Variants in DPP9 observed in about 807,000 individuals in gnomAD.
The protein encoded by DPP9 is dipeptidyl peptidase 9.
DPP9 carries 50 observed loss-of-function variants against 110.7 expected under a neutral mutation model. The observed-to-expected ratio is 0.45, with a 90% confidence interval of 0.36 to 0.57. The LOEUF (loss-of-function observed/expected upper bound fraction) is 0.57. Among genes scored for constraint, DPP9 ranks in the 20% least tolerant of loss-of-function variants. DPP9 has a pLI of 0.00. For missense variants in DPP9, 1,022 were observed against 1,217.9 expected, an observed-to-expected ratio of 0.84 and a Z score of 2.39; for synonymous variants, 561 against 514.4, an observed-to-expected ratio of 1.09 and a Z score of -1.23.
At chr19:4,722,366 T>C (rs1023589115) in intron 2 of DPP9, 133 bp downstream of exon 2, 3 of 582,136 alleles carry the variant, frequency 5.2e-6, no homozygotes, top group Middle Eastern at 4.5e-4. Context: ...CTGCAGCCAC[T>C]GCCCTGCGGA....
rs531905108 is a variant in DPP9 at position 4,689,143 on chromosome 19, C to T, written c.1750-251G>A. Among the ~76,000 whole-genome samples, 75 of 152,310 alleles carry T rather than the reference C, an allele frequency of 4.9e-4. 2 individuals carry two copies. In the South Asian group the frequency reaches 0.011, roughly 22 times the overall value. ...CAGGGGCCTATGGACAGTCACCGAC[C>T]GCTGGATCTGCCGAGGGCTCTGCCA... On this transcript the variant is annotated intron_variant, in intron 15 of 21. Coordinates refer to ENST00000262960, the MANE Select transcript of DPP9 (RefSeq NM_139159.5). The surrounding 1 kb of genome is among the most constrained non-coding windows in gnomAD (Gnocchi z 7.0).
chr19:4,713,819 T>A (rs901953329), intron 4 of DPP9, among the ~76,000 whole-genome samples: 1 of 152,136 alleles, frequency 6.6e-6, no homozygotes, highest in African/African-American at 2.4e-5. Context: ...AGCCACGGCA[T>A]CCTGGCCACA....
Position 4,683,076 on chromosome 19 carries a change from G to C in DPP9, c.2332-238C>G, listed in dbSNP as rs1314957146. On this transcript the variant is annotated intron_variant, in intron 19 of 21. Coordinates refer to ENST00000262960, the MANE Select transcript of DPP9 (RefSeq NM_139159.5). ...TGCGGCCCCTCCCCGCCGCCGCAGA[G>C]GGCCGGGTCCCACTGCCCGTCTGCC... 4 of 1,490,478 alleles carry C rather than the reference G, an allele frequency of 2.7e-6. No individual in the cohort carries two copies. In the East Asian group the frequency reaches 8.0e-5, roughly 30 times the overall value. 92.3% of individuals were successfully genotyped at this position (1,490,478 alleles called of 1,614,324 possible). A position where few individuals can be genotyped will look rare whatever the true frequency, so the allele number is the denominator to read the frequency against.
chr19:4,691,059 C>T (rs2091271285), intron 13 of DPP9, 102 bp from the exon 14 acceptor site: 1 of 839,302 alleles, frequency 1.2e-6, no homozygotes, highest in South Asian at 1.5e-5. Context: ...ACCATGGAGC[C>T]ACTGAAACCC....
intron 3 of DPP9, chr19:4,717,776 C>G (rs1035138925): frequency 6.6e-6 from 1 of 152,236 alleles, no homozygotes; most frequent in South Asian, 2.1e-4. Context: ...CCTGGCCCTC[C>G]GCTGACCTCT....
At chr19:4,712,908 G>A (rs1308108656) in intron 4 of DPP9, among the ~76,000 whole-genome samples, 1 of 152,216 alleles carries the variant, frequency 6.6e-6, no homozygotes, top group African/African-American at 2.4e-5. Context: ...CCGTTCACTG[G>A]TTCCAATGCT....
Position 4,689,840 on chromosome 19 carries a change from C to G in DPP9, c.1597-118G>C, listed in dbSNP as rs1049215326. 15 of 1,150,666 alleles carry G rather than the reference C, an allele frequency of 1.3e-5. No homozygotes were observed. The Admixed American group carries it at 2.4e-4, about 18-fold the overall frequency. 71.3% of individuals were successfully genotyped at this position (1,150,666 alleles called of 1,614,324 possible). A position where few individuals can be genotyped will look rare whatever the true frequency, so the allele number is the denominator to read the frequency against. ...TCGGACTGGGGACGCATGCTGTCCT[C>G]GCCCAAGTCTGGCTTTAGGGCTGGA... On this transcript the variant is annotated intron_variant, in intron 14 of 21. Transcript: ENST00000262960. The surrounding 1 kb of genome is among the most constrained non-coding windows in gnomAD (Gnocchi z 7.0).
rs202221985 is a variant in DPP9 at position 4,688,849 on chromosome 19, G to A, written c.1793C>T (p.Pro598Leu). Reference sequence around the variant, plus strand: ...CAGCTTGTAGACGTGCACGCAGGGCGGCGTGCTCACGCTGCTGTAGTGGCT... The same window carrying A: ...CAGCTTGTAGACGTGCACGCAGGGCAGCGTGCTCACGCTGCTGTAGTGGCT... ...FVSHYSSVSTPPCVHVYKLSG... is the reference protein window; with the variant it reads ...FVSHYSSVSTLPCVHVYKLSG... The change falls in exon 16 of 22, where the codon CCG becomes CTG. Residue 598 changes from proline (P) to leucine (L), a missense_variant. Physicochemically the swap from Pro to Leu is moderately conservative, Grantham distance 98 (BLOSUM62 -3). This residue lies in a region of DPP9 where 810 missense variants were observed against 920.6 expected (regional missense o/e 0.88). Coordinates refer to ENST00000262960, the MANE Select transcript of DPP9 (RefSeq NM_139159.5). 51 of 1,516,162 alleles carry A rather than the reference G, an allele frequency of 3.4e-5. No individual in the cohort carries two copies. The highest frequency in any genetic ancestry group is 5.3e-5 in the East Asian group (2 of 37,540). 93.9% of individuals were successfully genotyped at this position (1,516,162 alleles called of 1,614,324 possible).
At position 4,695,314 on chromosome 19, in the gene DPP9, G is replaced by C. The variant is rs45501898; in HGVS notation, c.1353+64C>G. Reference sequence around the variant, plus strand: ...ATTGGCGCTCAGCCTTCTAGGACGTGGGGGTGGGGACAGTGTGACTCCAGG... The same window carrying C: ...ATTGGCGCTCAGCCTTCTAGGACGTCGGGGTGGGGACAGTGTGACTCCAGG... On this transcript the variant is annotated intron_variant, in intron 12 of 21. Transcript: ENST00000262960. This position sits in a 1 kb window ranked among gnomAD's most constrained non-coding sequence, Gnocchi z 4.7. 2 of 1,460,216 alleles carry C rather than the reference G, an allele frequency of 1.4e-6. No homozygotes were observed. Among genetic ancestry groups the C allele is most frequent in the Non-Finnish European group, 1.8e-6 (2 of 1,096,478 alleles). 90.5% of individuals were successfully genotyped at this position (1,460,216 alleles called of 1,614,324 possible). A position where few individuals can be genotyped will look rare whatever the true frequency, so the allele number is the denominator to read the frequency against.
intron 21 of DPP9, chr19:4,679,595 AT>A (rs948009360): frequency 2.2e-5 from 12 of 537,894 alleles, no homozygotes; most frequent in Non-Finnish European, 3.7e-5. Flanking sequence ...GCAGCCCCCG[AT>A]CCCGTGCTTC....
At position 4,682,616 on chromosome 19, in the gene DPP9, G is replaced by C; in HGVS notation, c.2474+80C>G. On this transcript the variant is annotated intron_variant, in intron 20 of 21. Coordinates refer to ENST00000262960, the MANE Select transcript of DPP9 (RefSeq NM_139159.5). This position sits in a 1 kb window ranked among gnomAD's most constrained non-coding sequence, Gnocchi z 7.1. ...CTGGGCAGGGCCAGCTGGGGCAGGA[G>C]GGCACCCTCATAGAGACAGCTGGTG... is the stretch of plus-strand genomic sequence containing the variant. 6.5e-7 allele frequency: 1 copy of C among 1,549,432 alleles called. No homozygotes were observed. Among genetic ancestry groups the C allele is most frequent in the East Asian group, 2.4e-5 (1 of 42,088 alleles).
chr19:4,714,329 A>G lies in DPP9; in HGVS notation c.65T>C (p.Leu22Pro). 2.0e-6 allele frequency: 3 copies of G among 1,500,904 alleles called. No individual in the cohort carries two copies. In the South Asian group the frequency reaches 3.7e-5, roughly 18 times the overall value. 93.0% of individuals were successfully genotyped at this position (1,500,904 alleles called of 1,614,324 possible). A position where few individuals can be genotyped will look rare whatever the true frequency, so the allele number is the denominator to read the frequency against. The stretch of plus-strand genomic sequence containing the variant: ...CATCCTCTCAGCCCCCTCGGAATTC[A>G]GCGAGAAGCTGCGGGGAGGAAGCAA... ...ENTGSWRSFS[L>P]NSEGAERMAT... The change falls in exon 4 of 22, where the codon CTG (leucine) becomes CCG (proline). Residue 22 changes from leucine (L) to proline (P), a missense_variant. Leu to Pro is a moderately conservative substitution (Grantham distance 98, BLOSUM62 -3). Transcript: ENST00000262960.
At chr19:4,720,425 T>G (rs1424281489) in intron 2 of DPP9, among the ~76,000 whole-genome samples, 1 of 152,222 alleles carries the variant, frequency 6.6e-6, no homozygotes, top group Admixed American at 6.5e-5. Context: ...TGCCAGTTCC[T>G]GCTTTTGATA....
chr19:4,683,791 T>G, intron 18 of DPP9, 162 bp from the exon 19 acceptor site: 4 of 1,545,184 alleles, frequency 2.6e-6, no homozygotes, highest in Non-Finnish European at 3.5e-6. Flanking sequence ...GCCTGCTATC[T>G]GGGGATGGCT....
In DPP9 at chr19:4,702,731, G is replaced by A. The variant is rs753681878; in HGVS notation, c.770-15C>T. 57 of 1,537,654 alleles carry A rather than the reference G, an allele frequency of 3.7e-5. No individual in the cohort carries two copies. The highest frequency in any genetic ancestry group is 1.7e-4 in the South Asian group (14 of 84,832). ...ATTGGATAAACCTAGGGGGAGGGAC[G>A]GAGAGCATCAACAAGGGGTGAGCAG... On this transcript the variant is annotated splice_polypyrimidine_tract_variant and intron_variant, in intron 7 of 21. Coordinates refer to ENST00000262960, the MANE Select transcript of DPP9 (RefSeq NM_139159.5).
intron 2 of DPP9, among the ~76,000 whole-genome samples, chr19:4,721,947 T>C (rs1471411510): frequency 3.9e-5 from 6 of 152,198 alleles, no homozygotes; most frequent in Non-Finnish European, 8.8e-5. Flanking sequence ...CTGCCACTTC[T>C]GGGGAAGTCG....
At chr19:4,699,032 G>A (rs1041386969) in intron 10 of DPP9, among the ~76,000 whole-genome samples, 3 of 151,926 alleles carry the variant, frequency 2.0e-5, no homozygotes, top group African/African-American at 7.2e-5. Flanking sequence ...GGTGGTGGGT[G>A]CCTGTAGTCC....
Position 4,679,889 on chromosome 19 carries a change from G to A in DPP9, c.2532C>T (p.His844=), listed in dbSNP as rs761350733. The A allele has an allele frequency of 3.7e-6, 6 of 1,613,594 alleles. No homozygotes were observed. Among genetic ancestry groups the A allele is most frequent in the East Asian group, 2.2e-5 (1 of 44,870 alleles). ...GFLDENVHFF[H]TNFLVSQLIR... is the part of the protein sequence containing the mutation. ...TCAGTTGGGAGACGAGGAAGTTTGT[G>A]TGGAAAAAGTGCACGTTTTCGTCCA... The change falls in exon 21 of 22, where the codon CAC becomes CAT. Residue 844 remains histidine, a synonymous_variant. Coordinates refer to ENST00000262960, the MANE Select transcript of DPP9 (RefSeq NM_139159.5).
chr19:4,682,773 G>T lies in DPP9; in HGVS notation c.2397C>A (p.Tyr799Ter). 6.2e-7 allele frequency: 1 copy of T among 1,604,090 alleles called. No homozygotes were observed. The highest frequency in any genetic ancestry group is 2.2e-5 in the East Asian group (1 of 44,450). The change falls in exon 20 of 22, where the codon TAC (tyrosine) becomes TAA (stop). Residue 799 changes from tyrosine to a stop codon, truncating the protein, a stop_gained. Transcript: ENST00000262960. LOFTEE classifies it high-confidence loss of function. This position sits in a 1 kb window ranked among gnomAD's most constrained non-coding sequence, Gnocchi z 7.1. ...MAYDTGYTER[Y>*]MDVPENNQHG... is the part of the protein sequence containing the mutation. ...GCTGGTTGTTCTCAGGGACGTCCATGTAGCGCTCAGTGTACCCTGTGTCGT... is the reference window on the plus strand; with the variant it reads ...GCTGGTTGTTCTCAGGGACGTCCATTTAGCGCTCAGTGTACCCTGTGTCGT...
Sources: gnomAD v4.1 joint callset for allele counts (sites outside exome capture counted in the v4.1 genomes callset) on GRCh38, gnomAD v4.1.1 for gene constraint, gnomAD v4.1.1 regional missense constraint, Gnocchi (gnomAD v3.1) non-coding constraint, MANE v1.5 for transcripts, NCBI Gene and HGNC (gene_info 2026-07-23, HGNC 2026-07-21) for gene names.